Variants in CABIN1 observed in about 807,000 individuals in gnomAD.
CABIN1 encodes the protein calcineurin-binding protein cabin-1.
Under a neutral mutation model 227.7 loss-of-function variants are expected in CABIN1, and 133 were observed. The ratio of observed to expected loss-of-function variants is 0.58; its 90% CI spans 0.51 to 0.67. The LOEUF (loss-of-function observed/expected upper bound fraction) is 0.67. Among genes scored for constraint, CABIN1 ranks in the 30% least tolerant of loss-of-function variants. CABIN1 has a pLI of 0.00. For synonymous variants in CABIN1, 1,086 were observed against 1,155.1 expected, an observed-to-expected ratio of 0.94 and a Z score of 1.21; for missense variants, 2,408 against 2,852.5, an observed-to-expected ratio of 0.84 and a Z score of 3.55.
At chr22:24,028,843 A>G (rs986397416) in intron 1 of CABIN1, among the ~76,000 whole-genome samples, 5 of 152,100 alleles carry the variant, frequency 3.3e-5, no homozygotes, top group Non-Finnish European at 7.4e-5. Flanking sequence ...TAGTGGTACA[A>G]AGATAAATAG....
At chr22:24,172,188 A>G (rs1049506135) in intron 34 of CABIN1, among the ~76,000 whole-genome samples, 193 bp downstream of exon 34, 2 of 152,206 alleles carry the variant, frequency 1.3e-5, no homozygotes, top group African/African-American at 4.8e-5. Flanking sequence ...TGGTCAGCAC[A>G]TCCTACATCT....
chr22:24,164,468 C>T lies in CABIN1; in HGVS notation c.4815C>T (p.Ser1605=), dbSNP rs370235179. Residue 1605 remains serine, a synonymous_variant, in exon 30 of 37, where the codon TCC becomes TCT. Transcript: ENST00000263119. ...GCTTTGCCTGGCACATGAACCGCTCCATCGTGCTGCTGCTCAAGGTGCTGG... is the reference window on the plus strand; with the variant it reads ...GCTTTGCCTGGCACATGAACCGCTCTATCGTGCTGCTGCTCAAGGTGCTGG... ...PGSFAWHMNR[S]IVLLLKVLAQ... is the part of the protein sequence containing the mutation. The T allele has an allele frequency of 1.4e-5, 22 of 1,605,952 alleles. No individual in the cohort carries two copies. In the African/African-American group the frequency reaches 2.4e-4, roughly 18 times the overall value.
Position 24,142,688 on chromosome 22 carries a change from A to G in CABIN1, c.4746+8273A>G, listed in dbSNP as rs139738170. On this transcript the variant is annotated intron_variant, in intron 29 of 36. Transcript: ENST00000263119. ...ATCAGTGAAGACCAAAGCACAACCTAGGGAAGAAGTGTTGGTCTCCACTCA... is the reference window on the plus strand; with the variant it reads ...ATCAGTGAAGACCAAAGCACAACCTGGGGAAGAAGTGTTGGTCTCCACTCA... Among the ~76,000 whole-genome samples the G allele has an allele frequency of 1.4e-3, 214 of 152,340 alleles. 1 individual carries two copies. The highest frequency in any genetic ancestry group is 4.8e-3 in the African/African-American group (200 of 41,576).
chr22:24,159,932 C>T (rs561823268), intron 29 of CABIN1, among the ~76,000 whole-genome samples: 4 of 152,294 alleles, frequency 2.6e-5, no homozygotes, highest in African/African-American at 7.2e-5. Context: ...TTTTCAAAAC[C>T]GAGGTGAACT....
chr22:24,158,759 T>C (rs548046406), intron 29 of CABIN1, among the ~76,000 whole-genome samples: 1 of 152,266 alleles, frequency 6.6e-6, no homozygotes, highest in South Asian at 2.1e-4. Flanking sequence ...CCAGCTTCTC[T>C]CCTGTCCCCT....
chr22:24,164,377 C>A (rs1303085638), intron 29 of CABIN1, 23 bp from the exon 30 acceptor site: 1 of 1,600,710 alleles, frequency 6.2e-7, no homozygotes, highest in African/African-American at 1.3e-5. Flanking sequence ...CCCCCTCACA[C>A]ACCTGTGCCA....
At chr22:24,176,624 T>C (rs1237099224) in intron 35 of CABIN1, among the ~76,000 whole-genome samples, 4 of 152,084 alleles carry the variant, frequency 2.6e-5, no homozygotes, top group Non-Finnish European at 5.9e-5. Context: ...GGAGTAGGCA[T>C]GGACAGGGCG....
intron 33 of CABIN1, among the ~76,000 whole-genome samples, chr22:24,171,229 A>G (rs1322828719): frequency 6.6e-6 from 1 of 152,262 alleles, no homozygotes; most frequent in Non-Finnish European, 1.5e-5. Flanking sequence ...GGGTTGTGGT[A>G]TCAAGCCCAG....
chr22:24,133,158 A>G (rs991468176), intron 28 of CABIN1, among the ~76,000 whole-genome samples: 2 of 152,120 alleles, frequency 1.3e-5, no homozygotes, highest in African/African-American at 4.8e-5. Flanking sequence ...CCTCCTACAT[A>G]CAGCCACAGG....
At position 24,171,897 on chromosome 22, in the gene CABIN1, C is replaced by A. The variant is rs137900069; in HGVS notation, c.5942C>A (p.Pro1981Gln). 1 of 1,614,066 alleles carries A rather than the reference C, an allele frequency of 6.2e-7. No homozygotes were observed. Among genetic ancestry groups the A allele is most frequent in the South Asian group, 1.1e-5 (1 of 91,090 alleles). The change falls in exon 34 of 37, where the codon CCG becomes CAG. Residue 1981 changes from proline to glutamine, a missense_variant. Coordinates refer to ENST00000263119, the MANE Select transcript of CABIN1 (RefSeq NM_012295.4). ...AAATTIITCP[P>Q]SASASTLDQS... The stretch of plus-strand genomic sequence containing the variant: ...GCCACAACTATTATCACCTGCCCTC[C>A]GTCAGCATCAGCTTCCACCCTGGAC...
intron 19 of CABIN1, among the ~76,000 whole-genome samples, chr22:24,078,928 A>G (rs934646151): frequency 6.6e-6 from 1 of 150,536 alleles, no homozygotes; most frequent in Non-Finnish European, 1.5e-5. Context: ...ATATAGTTAC[A>G]TGAGTTTTAA....
At chr22:24,115,885 C>CA (rs578183728) in intron 27 of CABIN1, among the ~76,000 whole-genome samples, 2 of 152,186 alleles carry the variant, frequency 1.3e-5, no homozygotes, top group Non-Finnish European at 2.9e-5. Flanking sequence ...GGCCCTCACT[C>CA]ACGCGTATTT....
chr22:24,045,407 A>G (rs1338780583), intron 6 of CABIN1, among the ~76,000 whole-genome samples: 1 of 151,990 alleles, frequency 6.6e-6, no homozygotes, highest in Non-Finnish European at 1.5e-5. Flanking sequence ...TGAGCCCAGA[A>G]GTTCAAGAAC....
intron 26 of CABIN1, among the ~76,000 whole-genome samples, chr22:24,108,591 A>T (rs2042641792): frequency 6.6e-6 from 1 of 152,198 alleles, no homozygotes. Context: ...GCTGATACTG[A>T]TGATCCATCA....
intron 26 of CABIN1, among the ~76,000 whole-genome samples, chr22:24,101,141 G>C (rs1602089180): frequency 6.6e-6 from 1 of 152,222 alleles, no homozygotes; most frequent in African/African-American, 2.4e-5. Flanking sequence ...CTTTCCAGCA[G>C]TGGGAGAGGG....
At position 24,167,292 on chromosome 22, in the gene CABIN1, G is replaced by A; in HGVS notation, c.5661G>A (p.Glu1887=). 6.2e-7 allele frequency: 1 copy of A among 1,612,884 alleles called. No individual in the cohort carries two copies. Among genetic ancestry groups the A allele is most frequent in the Non-Finnish European group, 8.5e-7 (1 of 1,179,794 alleles). ...DLGRVERIMS[E]TYMLIKQVDE... The stretch of plus-strand genomic sequence containing the variant: ...GCCGTGTGGAGAGGATCATGTCGGA[G>A]ACCTACATGCTCATCAAGCAGGTGG... The change falls in exon 32 of 37, where the codon GAG becomes GAA. Residue 1887 remains glutamate (E), a synonymous_variant. Transcript: ENST00000263119.
At chr22:24,154,808 C>G (rs2045685833) in intron 29 of CABIN1, among the ~76,000 whole-genome samples, 1 of 152,164 alleles carries the variant, frequency 6.6e-6, no homozygotes, top group South Asian at 2.1e-4. Context: ...CTGGAAGGGG[C>G]ACAGAGTAAG....
At chr22:24,069,264 G>A (rs2039916029) in intron 16 of CABIN1, among the ~76,000 whole-genome samples, 1 of 152,142 alleles carries the variant, frequency 6.6e-6, no homozygotes, top group Non-Finnish European at 1.5e-5. Context: ...TCTTTTCCAT[G>A]TATTCCTACG....
intron 19 of CABIN1, among the ~76,000 whole-genome samples, chr22:24,082,830 C>G (rs751017449): frequency 2.0e-5 from 3 of 152,192 alleles, no homozygotes; most frequent in Non-Finnish European, 4.4e-5. Flanking sequence ...ATCTGAACTT[C>G]TAAAAAGCAA....
Sources: gnomAD v4.1 joint callset for allele counts (sites outside exome capture counted in the v4.1 genomes callset) on GRCh38, gnomAD v4.1.1 for gene constraint, MANE v1.5 for transcripts, NCBI Gene and HGNC (gene_info 2026-07-23, HGNC 2026-07-21) for gene names.